Variants in ACACB observed in about 807,000 individuals in gnomAD.
The protein encoded by ACACB is acetyl-CoA carboxylase 2.
ACACB carries 209 observed loss-of-function variants against 278.8 expected under a neutral mutation model. The observed-to-expected ratio is 0.75, with a 90% CI of 0.67 to 0.84. ACACB has a LOEUF of 0.84. ACACB is among the 40% of genes least tolerant of loss of function. The pLI is 0.00. For synonymous variants in ACACB, 1,174 were observed against 1,285.6 expected, an observed-to-expected ratio of 0.91 and a Z score of 1.86; for missense variants, 2,850 against 3,269.0, an observed-to-expected ratio of 0.87 and a Z score of 3.13.
In ACACB at chr12:109,260,595, G is replaced by C; in HGVS notation, c.6612G>C (p.Trp2204Cys). ...ATGCGGAGCTCCGGGGAGGCTCCTG[G>C]GTGGTCATAGATGCCACCATCAACC... ...PPYAELRGGS[W>C]VVIDATINPL... Residue 2204 changes from tryptophan to cysteine, a missense_variant, in exon 48 of 53, where the codon TGG becomes TGC. By Grantham distance (215) the Trp-to-Cys change is radical. This residue lies in a region of ACACB where 579 missense variants were observed against 684.6 expected (regional missense o/e 0.85). Transcript: ENST00000338432. The C allele has an allele frequency of 6.2e-7, 1 of 1,611,750 alleles. No individual in the cohort carries two copies. Among genetic ancestry groups the C allele is most frequent in the Non-Finnish European group, 8.5e-7 (1 of 1,179,146 alleles).
rs199555382 is a variant in ACACB at position 109,250,687 on chromosome 12, G to A, written c.5790+583G>A. Reference sequence around the variant, plus strand: ...TAGTAGTAATTCTAGTACTAGCAGTGGTGGTAGTAGTGGTGGTGGTAGTAG... The same window carrying A: ...TAGTAGTAATTCTAGTACTAGCAGTAGTGGTAGTAGTGGTGGTGGTAGTAG... On this transcript the variant is annotated intron_variant, in intron 41 of 52. Transcript: ENST00000338432. Among the ~76,000 whole-genome samples, 14 of 152,170 alleles carry A rather than the reference G, an allele frequency of 9.2e-5. No homozygotes were observed. The South Asian group carries it at 2.7e-3, about 29-fold the overall frequency.
intron 1 of ACACB, among the ~76,000 whole-genome samples, chr12:109,131,163 G>A (rs1243939080): frequency 6.6e-6 from 1 of 152,178 alleles, no homozygotes; most frequent in Non-Finnish European, 1.5e-5. Context: ...ACCTAAGCTT[G>A]AGGTCAGGAG....
intron 1 of ACACB, among the ~76,000 whole-genome samples, chr12:109,133,863 A>ATATATATATTT (rs55881936): frequency 4.2e-5 from 3 of 70,658 alleles, no homozygotes; most frequent in African/African-American, 8.9e-5. Flanking sequence ...ATATATATAT[A>ATATATATATTT]TTTTTTTTTT....
At chr12:109,170,785 TTG>T (rs137902634) in intron 4 of ACACB, among the ~76,000 whole-genome samples, 85,903 of 141,384 alleles carry the variant, frequency 0.61, 25,084 homozygotes, top group Middle Eastern at 0.72. Context: ...ATGGTAAATT[TTG>T]TGTGTGTTTT....
chr12:109,257,720 G>A (rs544066235), intron 45 of ACACB, among the ~76,000 whole-genome samples: 7 of 152,208 alleles, frequency 4.6e-5, no homozygotes, highest in South Asian at 2.1e-4. Context: ...AGAGGTGTGC[G>A]CCACCACACC....
At position 109,174,229 on chromosome 12, in the gene ACACB, C is replaced by T. The variant is rs148317452; in HGVS notation, c.1215C>T (p.Ser405=). 1.5e-5 allele frequency: 24 copies of T among 1,609,210 alleles called. No homozygotes were observed. The Admixed American group carries it at 1.7e-4, about 11-fold the overall frequency. Residue 405 remains serine (S), a splice_region_variant and synonymous_variant, in exon 7 of 53, where the codon AGC becomes AGT. Transcript: ENST00000338432. ...TCCCAACCCTGCCCTGGAGTGGAAG[C>T]GGTAAGGGACCCCGAGCTTCCCTCT... ...LQVPTLPWSG[S]GLTVEWTEDD... is the part of the protein sequence containing the mutation.
In ACACB at chr12:109,179,124, A is replaced by G. The variant is rs781109291; in HGVS notation, c.1474A>G (p.Met492Val). The G allele has an allele frequency of 6.2e-7, 1 of 1,613,152 alleles. No homozygotes were observed. Among genetic ancestry groups the G allele is most frequent in the Non-Finnish European group, 8.5e-7 (1 of 1,179,390 alleles). ...GATCCCAGGCTCGCCCATCTTTCTCATGAAGCTGGCCCAGCACGCCCGTCA... is the reference window on the plus strand; with the variant it reads ...GATCCCAGGCTCGCCCATCTTTCTCGTGAAGCTGGCCCAGCACGCCCGTCA... Reference protein sequence around the residue: ...SEIPGSPIFLMKLAQHARHLE... With the variant: ...SEIPGSPIFLVKLAQHARHLE... Residue 492 changes from methionine to valine, a missense_variant, in exon 10 of 53, where the codon ATG (methionine) becomes GTG (valine). Physicochemically the swap from Met to Val is conservative, Grantham distance 21. Transcript: ENST00000338432.
chr12:109,185,847 C>G, intron 12 of ACACB, 107 bp downstream of exon 12: 1 of 1,175,034 alleles, frequency 8.5e-7, no homozygotes, highest in Non-Finnish European at 1.2e-6. Flanking sequence ...CCAGGCATCT[C>G]AGTTTACAAA....
At chr12:109,210,221 A>C (rs1453398795) in intron 21 of ACACB, among the ~76,000 whole-genome samples, 1 of 11,952 alleles carries the variant, frequency 8.4e-5, no homozygotes, top group Non-Finnish European at 1.3e-4. Context: ...ATATACACAC[A>C]TGTGTGTATA....
intron 2 of ACACB, among the ~76,000 whole-genome samples, chr12:109,148,093 C>G (rs2043286989): frequency 6.6e-6 from 1 of 152,184 alleles, no homozygotes; most frequent in Admixed American, 6.5e-5. Flanking sequence ...TCGTTAAGCT[C>G]TCTCCTCCCA....
At chr12:109,111,197 G>T in the ACACB span, 4 of 152,360 alleles carry the variant, frequency 2.6e-5, no homozygotes, top group African/African-American at 7.2e-5. Flanking sequence ...CCAACCCCCG[G>T]CCTGGAGCAG....
In ACACB at chr12:109,211,342, CTTTTT is replaced by C. The variant is rs35008047; in HGVS notation, c.3250-1476_3250-1472del. 9.1e-5 allele frequency among the ~76,000 whole-genome samples: 10 copies of C among 109,958 alleles called. No homozygotes were observed. The South Asian group carries it at 2.4e-3, about 27-fold the overall frequency. The allele number at this position is 109,958 out of a possible 152,430, so 72.1% of individuals were successfully genotyped here. Reference sequence around the variant, plus strand: ...AAAGACCACATATTATGTGATTCCTCTTTTTTTTTTTTTTTTTTTTTTGAGACCTC... The same window carrying C: ...AAAGACCACATATTATGTGATTCCTCTTTTTTTTTTTTTTTTTGAGACCTC... On this transcript the variant is annotated intron_variant, in intron 21 of 52. Coordinates refer to ENST00000338432, the MANE Select transcript of ACACB (RefSeq NM_001093.4).
At chr12:109,203,797 G>A (rs1287586185) in intron 19 of ACACB, among the ~76,000 whole-genome samples, 2 of 152,196 alleles carry the variant, frequency 1.3e-5, no homozygotes, top group Admixed American at 1.3e-4. Flanking sequence ...GAGTCCCTGA[G>A]GTCAAGGACT....
intron 2 of ACACB, among the ~76,000 whole-genome samples, chr12:109,145,738 T>C (rs925136159): frequency 1.3e-5 from 2 of 151,852 alleles, no homozygotes; most frequent in South Asian, 2.1e-4. Flanking sequence ...CGGCAGGTCA[T>C]GCCTGTAATC....
intron 28 of ACACB, among the ~76,000 whole-genome samples, chr12:109,231,757 C>A (rs2046478525): frequency 6.6e-6 from 1 of 152,204 alleles, no homozygotes; most frequent in Non-Finnish European, 1.5e-5. Context: ...CCAGTGGATT[C>A]ACGCAGGGTG....
chr12:109,253,245 G>A (rs1593711540), intron 43 of ACACB, 87 bp downstream of exon 43: 1 of 1,381,032 alleles, frequency 7.2e-7, no homozygotes, highest in Middle Eastern at 1.9e-4. Flanking sequence ...CCTGGGTGGT[G>A]TGGGAGGCTG....
At chr12:109,226,546 A>T (rs1455796265) in intron 27 of ACACB, among the ~76,000 whole-genome samples, 1 of 151,912 alleles carries the variant, frequency 6.6e-6, no homozygotes, top group Non-Finnish European at 1.5e-5. Context: ...CTAAAAATAC[A>T]AAATTAGCCA....
chr12:109,113,152 A>C, upstream of ACACB: 1 of 152,176 alleles, frequency 6.6e-6, no homozygotes, highest in East Asian at 1.9e-4. Flanking sequence ...CCCTGTGTGT[A>C]CTCACTGTCA....
At chr12:109,172,654 A>G (rs1021007343) in intron 6 of ACACB, among the ~76,000 whole-genome samples, 1 of 152,228 alleles carries the variant, frequency 6.6e-6, no homozygotes, top group Non-Finnish European at 1.5e-5. Flanking sequence ...AACCAGAGTG[A>G]GATACCATTT....
Sources: allele counts gnomAD v4.1 joint callset (sites outside exome capture counted in the v4.1 genomes callset), GRCh38; gene constraint gnomAD v4.1.1; regional missense constraint gnomAD v4.1.1; transcripts MANE v1.5; gene names NCBI Gene and HGNC (gene_info 2026-07-23, HGNC 2026-07-21).